The following PRSS36 variants were observed in gnomAD, a reference collection of about 807,000 sequenced individuals.
PRSS36 encodes polyserase-2.
A neutral mutation model predicts 94.3 loss-of-function variants in PRSS36; 90 were observed. The observed-to-expected ratio is 0.95, with a 90% CI of 0.80 to 1.14. The LOEUF (loss-of-function observed/expected upper bound fraction) is 1.14, where lower values mean the gene tolerates loss of function less well. Ranked by LOEUF, PRSS36 falls within the 50% of genes most tolerant of loss-of-function variation. The pLI is 0.00. For synonymous variants in PRSS36, 500 were observed against 489.6 expected (o/e 1.02, Z -0.28); for missense variants, 1,158 against 1,135.0 (o/e 1.02, Z -0.29).
Position 31,140,335 on chromosome 16 carries a change from G to A in PRSS36, c.2248C>T (p.Leu750Phe), listed in dbSNP as rs1373211714. The change falls in exon 14 of 15, where the codon CTC becomes TTC. Residue 750 changes from leucine (L) to phenylalanine (F), a missense_variant. Transcript: ENST00000268281. Reference protein sequence around the residue: ...LYQGILPPGTLCVLYAEGQEN... With the variant: ...LYQGILPPGTFCVLYAEGQEN... ...TGCCCCTCTGCATACAGGACACAGA[G>A]GGTTCCAGGGGGCAGGATGCCCTGA... The A allele has an allele frequency of 6.2e-7, 1 of 1,614,054 alleles. No homozygotes were observed. The highest frequency in any genetic ancestry group is 1.1e-5 in the South Asian group (1 of 91,032).
At position 31,139,310 on chromosome 16, in the gene PRSS36, T is replaced by A; in HGVS notation, c.2396A>T (p.Glu799Val). 1 of 1,614,114 alleles carries A rather than the reference T, an allele frequency of 6.2e-7. No individual in the cohort carries two copies. Among genetic ancestry groups the A allele is most frequent in the Non-Finnish European group, 8.5e-7 (1 of 1,180,000 alleles). Reference protein sequence around the residue: ...SRELFAAIGPEEAWISQTVGE... With the variant: ...SRELFAAIGPVEAWISQTVGE... ...CACTGTCTGGGAGATCCAGGCCTCT[T>A]CAGGACCAATGGCAGCAAACAGCTC... Residue 799 changes from glutamate (E) to valine (V), a missense_variant, in exon 15 of 15, where the codon GAA (glutamate) becomes GTA (valine). By Grantham distance (121) the Glu-to-Val change is moderately radical (BLOSUM62 -2). Transcript: ENST00000268281.
intron 12 of PRSS36, among the ~76,000 whole-genome samples, chr16:31,140,979 C>T (rs2144021620): frequency 1.3e-5 from 2 of 152,302 alleles, no homozygotes; most frequent in Middle Eastern, 6.8e-3. Flanking sequence ...GACTGGAGTG[C>T]AGTGGCGCAA....
rs117442264 is a variant in PRSS36, at chr16:31,141,497, C to T, written c.1873G>A (p.Val625Ile). The T allele has an allele frequency of 0.013, 20,691 of 1,612,674 alleles. 187 individuals are homozygous for T. Among genetic ancestry groups the T allele is most frequent in the Non-Finnish European group, 0.015 (18,089 of 1,179,790 alleles). ...AGGACACAGTGAGTGGCTGCCAGGA[C>T]CCAGCCTGGGGCCAGGAGGATCCCA... Reference protein sequence around the residue: ...CTGILLAPGWVLAATHCVLRP... With the variant: ...CTGILLAPGWILAATHCVLRP... The change falls in exon 12 of 15, where the codon GTC (valine) becomes ATC (isoleucine). Residue 625 changes from valine (V) to isoleucine (I), a missense_variant. Coordinates refer to ENST00000268281, the MANE Select transcript of PRSS36 (RefSeq NM_173502.5).
chr16:31,149,579 C>T (rs2057864217), intron 2 of PRSS36, 81 bp from the exon 3 acceptor site: 4 of 1,604,528 alleles, frequency 2.5e-6, no homozygotes, highest in South Asian at 1.1e-5. Flanking sequence ...TGCTCTCCAA[C>T]CCCCGACCCT....
At chr16:31,142,080 T>C (rs529750865) in intron 10 of PRSS36, 120 bp from the exon 11 acceptor site, 1 of 819,330 alleles carries the variant, frequency 1.2e-6, no homozygotes, top group South Asian at 1.6e-5. Flanking sequence ...TTCCACCTTC[T>C]CCAAATCAGA....
chr16:31,139,438 A>C, intron 14 of PRSS36, 22 bp from the exon 15 acceptor site: 1 of 1,603,342 alleles, frequency 6.2e-7, no homozygotes, highest in South Asian at 1.1e-5. Flanking sequence ...GAGCGAGGCC[A>C]CGTGGGTCTG....
chr16:31,139,436 C>G lies in PRSS36; in HGVS notation c.2290-20G>C. The G allele has an allele frequency of 6.2e-7, 1 of 1,603,756 alleles. No homozygotes were observed. The highest frequency in any genetic ancestry group is 1.7e-5 in the Admixed American group (1 of 59,380). The stretch of plus-strand genomic sequence containing the variant: ...GGTCATCTGCAGAGTTGGAGCGAGG[C>G]CACGTGGGTCTGCTGCCCTTCCTCT... On this transcript the variant is annotated intron_variant, in intron 14 of 14. Transcript: ENST00000268281.
chr16:31,143,248 C>T (rs2057743098), intron 8 of PRSS36, 94 bp downstream of exon 8: 1 of 1,507,624 alleles, frequency 6.6e-7, no homozygotes, highest in Non-Finnish European at 8.9e-7. Context: ...CCCGCCCCCC[C>T]CACACCCCCT....
At chr16:31,147,393 C>T (rs2057813474) in intron 5 of PRSS36, among the ~76,000 whole-genome samples, 1 of 152,138 alleles carries the variant, frequency 6.6e-6, no homozygotes. Context: ...TTCCTCATCA[C>T]CTCCTGCCCT....
At chr16:31,143,141 G>T in intron 8 of PRSS36, 148 bp from the exon 9 acceptor site, 1 of 1,308,802 alleles carries the variant, frequency 7.6e-7, no homozygotes, top group Non-Finnish European at 1.0e-6. Flanking sequence ...TCACACCCCC[G>T]CCTCCGGGAT....
Position 31,149,076 on chromosome 16 carries a change from A to C in PRSS36, c.269T>G (p.Met90Arg). The change falls in exon 4 of 15, where the codon ATG (methionine) becomes AGG (arginine). Residue 90 changes from methionine (M) to arginine (R), a missense_variant. By Grantham distance (91) the Met-to-Arg change is moderately conservative. Transcript: ENST00000268281. ...CAGGACCAGGGCGAATACTCACGTC[A>C]TGAAACAGTGAGCAGCGGAGAGGAC... ...SWVLSAAHCF[M>R]TNGTLEPAAE... is the part of the protein sequence containing the mutation. 5 of 1,593,240 alleles carry C rather than the reference A, an allele frequency of 3.1e-6. No individual in the cohort carries two copies. In the South Asian group the frequency reaches 3.4e-5, roughly 11 times the overall value.
chr16:31,142,472 G>T lies in PRSS36; in HGVS notation c.1521+9C>A, dbSNP rs777249500. ...CCCGCGTTCCGCGGGCCCCGCCCCCGCCGCTTACCCAGCAGCTGCCCACCT... is the reference window on the plus strand; with the variant it reads ...CCCGCGTTCCGCGGGCCCCGCCCCCTCCGCTTACCCAGCAGCTGCCCACCT... On this transcript the variant is annotated intron_variant, in intron 10 of 14. Coordinates refer to ENST00000268281, the MANE Select transcript of PRSS36 (RefSeq NM_173502.5). 1.4e-6 allele frequency: 2 copies of T among 1,443,088 alleles called. No individual in the cohort carries two copies. Among genetic ancestry groups the T allele is most frequent in the East Asian group, 2.7e-5 (1 of 37,692 alleles). The allele number at this position is 1,443,088 out of a possible 1,614,324, so 89.4% of individuals were successfully genotyped here.
chr16:31,143,841 G>A lies in PRSS36; in HGVS notation c.721-4C>T, dbSNP rs1233393759. On this transcript the variant is annotated splice_polypyrimidine_tract_variant and splice_region_variant and intron_variant, in intron 6 of 14. Coordinates refer to ENST00000268281, the MANE Select transcript of PRSS36 (RefSeq NM_173502.5). Reference sequence around the variant, plus strand: ...CCAGGGGCCCCCCAGAGTCACCCTAGTGGCAGATGACTGCATGTCAAGGGG... The same window carrying A: ...CCAGGGGCCCCCCAGAGTCACCCTAATGGCAGATGACTGCATGTCAAGGGG... The A allele has an allele frequency of 1.2e-6, 2 of 1,613,096 alleles. No homozygotes were observed. Among genetic ancestry groups the A allele is most frequent in the Admixed American group, 3.3e-5 (2 of 60,028 alleles).
chr16:31,142,607 C>T lies in PRSS36; in HGVS notation c.1395G>A (p.Glu465=), dbSNP rs1308254795. 6 of 1,513,478 alleles carry T rather than the reference C, an allele frequency of 4.0e-6. No individual in the cohort carries two copies. Among genetic ancestry groups the T allele is most frequent in the Non-Finnish European group, 4.4e-6 (5 of 1,135,498 alleles). 93.8% of individuals were successfully genotyped at this position (1,513,478 alleles called of 1,614,324 possible). A position where few individuals can be genotyped will look rare whatever the true frequency, so the allele number is the denominator to read the frequency against. The part of the protein sequence containing the change: ...ALGPGALLEA[E]LLGGWWCHCL... Reference sequence around the variant, plus strand: ...AGTGGCACCACCAGCCGCCTAACAGCTCCGCCTCCAGCAGCGCGCCTGGGC... The same window carrying T: ...AGTGGCACCACCAGCCGCCTAACAGTTCCGCCTCCAGCAGCGCGCCTGGGC... Residue 465 remains glutamate, a synonymous_variant, in exon 10 of 15, where the codon GAG becomes GAA. Transcript: ENST00000268281.
At chr16:31,148,948 G>T (rs993330454) in intron 4 of PRSS36, 125 bp downstream of exon 4, 2 of 1,174,028 alleles carry the variant, frequency 1.7e-6, no homozygotes, top group Non-Finnish European at 2.4e-6. Flanking sequence ...ATAGCACCTC[G>T]CTTTGGGGAC....
rs749105680 is a variant in PRSS36 at position 31,142,719 on chromosome 16, C to T, written c.1357+18G>A. 12 of 1,357,786 alleles carry T rather than the reference C, an allele frequency of 8.8e-6. No homozygotes were observed. Among genetic ancestry groups the T allele is most frequent in the East Asian group, 6.2e-5 (2 of 32,242 alleles). 84.1% of individuals were successfully genotyped at this position (1,357,786 alleles called of 1,614,324 possible). ...CACCGCCCGGTGCCGCCCGGCCCAG[C>T]GCCGGTCCCCAGCTCACCCCCGCGG... On this transcript the variant is annotated intron_variant, in intron 9 of 14. Transcript: ENST00000268281.
intron 5 of PRSS36, 107 bp from the exon 6 acceptor site, chr16:31,146,062 C>T (rs1178267788): frequency 6.0e-6 from 6 of 1,008,230 alleles, no homozygotes; most frequent in South Asian, 1.7e-5. Flanking sequence ...CAGCTAGATG[C>T]CCCATGGCCT....
At chr16:31,140,823 AGGGGAAGGATGACTCTCT>A (rs1461049337) in intron 12 of PRSS36, 66 bp from the exon 13 acceptor site, 13 of 1,557,834 alleles carry the variant, frequency 8.3e-6, no homozygotes, top group African/African-American at 1.4e-5. Context: ...TTCCCAGCCC[AGGGGAAGGATGACTCTCT>A]GGGGTCATGC....
chr16:31,143,711 C>T lies in PRSS36; in HGVS notation c.847G>A (p.Glu283Lys). ...PGVFTAVATY[E>K]AWIREQVMGS... is the part of the protein sequence containing the mutation. ...ATCACCTGCTCCCGTATCCATGCCT[C>T]ATAGGTAGCCACAGCAGTGAAAACT... is the stretch of plus-strand genomic sequence containing the variant. The change falls in exon 7 of 15, where the codon GAG becomes AAG. Residue 283 changes from glutamate to lysine, a missense_variant. Glu to Lys is a moderately conservative substitution (Grantham distance 56). Coordinates refer to ENST00000268281, the MANE Select transcript of PRSS36 (RefSeq NM_173502.5). 1 of 1,614,170 alleles carries T rather than the reference C, an allele frequency of 6.2e-7. No individual in the cohort carries two copies. Among genetic ancestry groups the T allele is most frequent in the Non-Finnish European group, 8.5e-7 (1 of 1,180,042 alleles).
Sources: gnomAD v4.1 joint callset for allele counts (sites outside exome capture counted in the v4.1 genomes callset) on GRCh38, gnomAD v4.1.1 for gene constraint, MANE v1.5 for transcripts, NCBI Gene and HGNC (gene_info 2026-07-23, HGNC 2026-07-21) for gene names.